Variants in PDE7B observed in about 807,000 individuals in gnomAD.
PDE7B encodes the protein 3',5'-cyclic-AMP phosphodiesterase 7B.
Under a neutral mutation model 56.2 loss-of-function variants are expected in PDE7B, and 29 were observed. The observed-to-expected ratio is 0.52, with a 90% CI of 0.38 to 0.70. PDE7B has a LOEUF of 0.70. Ranked by LOEUF, PDE7B falls within the 30% of genes least tolerant of loss-of-function variation. The probability of loss-of-function intolerance (pLI) is 0.00; values close to 1 mark genes in which losing one functional copy is unlikely to be tolerated. For missense variants in PDE7B, 490 were observed against 565.0 expected (o/e 0.87, Z 1.35); for synonymous variants, 197 against 196.9 (o/e 1.00, Z 0.00).
chr6:135,984,535 G>T (rs992392660), intron 2 of PDE7B, among the ~76,000 whole-genome samples: 7 of 152,092 alleles, frequency 4.6e-5, no homozygotes, highest in African/African-American at 1.7e-4. Context: ...CTGGATGATG[G>T]CCAGCAATGT....
intron 1 of PDE7B, among the ~76,000 whole-genome samples, chr6:135,903,115 G>A (rs1776035078): frequency 6.6e-6 from 1 of 152,160 alleles, no homozygotes; most frequent in Admixed American, 6.5e-5. Flanking sequence ...AGTAGAGTCA[G>A]TTACTAGGTA....
At chr6:136,098,786 T>A (rs76000435) in intron 2 of PDE7B, among the ~76,000 whole-genome samples, 30,758 of 152,008 alleles carry the variant, frequency 0.2, 3,724 homozygotes, top group East Asian at 0.35. Context: ...CTTTTTTTTT[T>A]TTATTATTCT....
intron 2 of PDE7B, among the ~76,000 whole-genome samples, chr6:136,075,966 G>A (rs1327786157): frequency 6.6e-6 from 1 of 152,180 alleles, no homozygotes; most frequent in Non-Finnish European, 1.5e-5. Context: ...GCAGATAAAT[G>A]TGGTAGGTTG....
intron 11 of PDE7B, among the ~76,000 whole-genome samples, chr6:136,186,597 T>G (rs1779149531): frequency 6.6e-6 from 1 of 152,188 alleles, no homozygotes; most frequent in African/African-American, 2.4e-5. Flanking sequence ...ATTTCCTACC[T>G]ACTTACTGTT....
chr6:136,043,255 G>A lies in PDE7B; in HGVS notation c.83-65476G>A, dbSNP rs1776442516. Among the ~76,000 whole-genome samples, 3 of 152,108 alleles carry A rather than the reference G, an allele frequency of 2.0e-5. No individual in the cohort carries two copies. In the South Asian group the frequency reaches 6.2e-4, roughly 31 times the overall value. ...TGTGAATGCAAATTGAGTCAATACT[G>A]GAGTACATCATCTCACTTTGAACTA... On this transcript the variant is annotated intron_variant, in intron 2 of 12. Transcript: ENST00000308191.
intron 2 of PDE7B, among the ~76,000 whole-genome samples, chr6:135,959,754 CAG>C (rs1774864337): frequency 6.9e-6 from 1 of 145,806 alleles, no homozygotes; most frequent in South Asian, 2.2e-4. Flanking sequence ...TGGAATATCA[CAG>C]AGTCTTTTCT....
intron 12 of PDE7B, among the ~76,000 whole-genome samples, chr6:136,188,103 G>T (rs1779169348): frequency 6.6e-6 from 1 of 152,126 alleles, no homozygotes; most frequent in African/African-American, 2.4e-5. Context: ...GAAAACCAGG[G>T]TAAGTTAGAA....
At chr6:135,928,429 T>TTATATATA (rs755915341) in intron 1 of PDE7B, among the ~76,000 whole-genome samples, 3 of 103,078 alleles carry the variant, frequency 2.9e-5, no homozygotes, top group South Asian at 6.3e-4. Context: ...GAAAATGTGA[T>TTATATATA]TATATATATA....
At chr6:136,005,318 C>A (rs921922913) in intron 2 of PDE7B, among the ~76,000 whole-genome samples, 5 of 152,050 alleles carry the variant, frequency 3.3e-5, no homozygotes, top group African/African-American at 1.2e-4. Context: ...TCTAAAACAC[C>A]AAAAGCAATG....
At chr6:135,885,624 G>T (rs982813883) in intron 1 of PDE7B, among the ~76,000 whole-genome samples, 2 of 152,094 alleles carry the variant, frequency 1.3e-5, no homozygotes, top group Admixed American at 6.6e-5. Context: ...CCCATTCCAA[G>T]AAATTAAGCT....
At chr6:136,047,622 A>G (rs938120414) in intron 2 of PDE7B, 3 of 152,230 alleles carry the variant, frequency 2.0e-5, no homozygotes, top group Non-Finnish European at 4.4e-5. Context: ...ATGGAAAATG[A>G]TGTTTCAATG....
chr6:135,856,333 G>T (rs561568791), intron 1 of PDE7B, among the ~76,000 whole-genome samples: 2 of 152,288 alleles, frequency 1.3e-5, no homozygotes, highest in South Asian at 4.1e-4. Flanking sequence ...GAAAATTGTA[G>T]CTAGAAACTT....
At chr6:136,099,818 T>G (rs1777531762) in intron 2 of PDE7B, among the ~76,000 whole-genome samples, 1 of 152,248 alleles carries the variant, frequency 6.6e-6, no homozygotes, top group Non-Finnish European at 1.5e-5. Flanking sequence ...TTGCCATTGC[T>G]TTTGGTGTTT....
chr6:135,875,020 T>A (rs1775464574), intron 1 of PDE7B, among the ~76,000 whole-genome samples: 1 of 152,046 alleles, frequency 6.6e-6, no homozygotes, highest in African/African-American at 2.4e-5. Context: ...ATTAATAATA[T>A]TCTAATATTA....
Position 135,885,820 on chromosome 6 carries a change from A to G in PDE7B, c.21+33801A>G, listed in dbSNP as rs528610062. Among the ~76,000 whole-genome samples, 26 of 152,288 alleles carry G rather than the reference A, an allele frequency of 1.7e-4. No homozygotes were observed. In the South Asian group the frequency reaches 5.2e-3, roughly 30 times the overall value. On this transcript the variant is annotated intron_variant, in intron 1 of 12. Transcript: ENST00000308191. Reference sequence around the variant, plus strand: ...TGATAGCAAGCAATGCTGAGAAAACATGTGAGATGGAAAAGCAAAGCTGAG... The same window carrying G: ...TGATAGCAAGCAATGCTGAGAAAACGTGTGAGATGGAAAAGCAAAGCTGAG...
intron 2 of PDE7B, among the ~76,000 whole-genome samples, chr6:136,030,849 G>T (rs949338411): frequency 6.6e-6 from 1 of 152,152 alleles, no homozygotes; most frequent in African/African-American, 2.4e-5. Flanking sequence ...TAACTAAATT[G>T]CATTTGACAT....
intron 2 of PDE7B, among the ~76,000 whole-genome samples, chr6:136,048,651 T>C (rs771471979): frequency 2.0e-5 from 3 of 152,154 alleles, no homozygotes; most frequent in Non-Finnish European, 4.4e-5. Context: ...ATAAGAAAAC[T>C]TCAGACAATT....
chr6:135,994,570 A>G (rs749979511), intron 2 of PDE7B, among the ~76,000 whole-genome samples: 18 of 152,238 alleles, frequency 1.2e-4, no homozygotes, highest in Non-Finnish European at 2.1e-4. Flanking sequence ...TATAGAAGTC[A>G]TGGATACAAT....
At chr6:136,090,921 T>C (rs1332042189) in intron 2 of PDE7B, among the ~76,000 whole-genome samples, 1 of 152,194 alleles carries the variant, frequency 6.6e-6, no homozygotes, top group East Asian at 1.9e-4. Flanking sequence ...AGTCAATTCA[T>C]TTCACAGAGC....
Sources: allele counts gnomAD v4.1 joint callset (sites outside exome capture counted in the v4.1 genomes callset), GRCh38; gene constraint gnomAD v4.1.1; transcripts MANE v1.5; gene names NCBI Gene and HGNC (gene_info 2026-07-23, HGNC 2026-07-21).